Variants in SLC25A13 observed in about 807,000 individuals in gnomAD.
The protein encoded by SLC25A13 is solute carrier family 25 member 13.
In SLC25A13, 70 loss-of-function variants were observed where a neutral mutation model predicts 85.5. The ratio of observed to expected loss-of-function variants is 0.82; its 90% CI spans 0.68 to 1.00. The LOEUF is 1.00. SLC25A13 is among the 50% of genes least tolerant of loss of function. SLC25A13 has a pLI of 0.00. For synonymous variants in SLC25A13, 259 were observed against 288.7 expected (o/e 0.90, Z 1.04); for missense variants, 765 against 819.8 (o/e 0.93, Z 0.82).
chr7:96,263,889 C>T (rs1057059815), intron 3 of SLC25A13, among the ~76,000 whole-genome samples: 2 of 152,088 alleles, frequency 1.3e-5, no homozygotes, highest in African/African-American at 4.8e-5. Context: ...CACTTTATGG[C>T]CACTATATTC....
At position 96,143,169 on chromosome 7, in the gene SLC25A13, A is replaced by G. The variant is rs543436061; in HGVS notation, c.1452+3387T>C. On this transcript the variant is annotated intron_variant, in intron 14 of 17. Coordinates refer to ENST00000265631, the MANE Select transcript of SLC25A13 (RefSeq NM_014251.3). ...GACATGGACAGTTCCACTGCTTCCT[A>G]ACGAAGCGTCTTTTTGGCCTAATTA... Among the ~76,000 whole-genome samples, 3 of 152,324 alleles carry G rather than the reference A, an allele frequency of 2.0e-5. No homozygotes were observed. The East Asian group carries it at 5.8e-4, about 29-fold the overall frequency.
At chr7:96,278,716 G>A (rs1798553320) in intron 2 of SLC25A13, among the ~76,000 whole-genome samples, 1 of 152,128 alleles carries the variant, frequency 6.6e-6, no homozygotes, top group South Asian at 2.1e-4. Context: ...TTGTCTTACA[G>A]TTAACATTTT....
At chr7:96,184,655 A>G in intron 10 of SLC25A13, 1 of 640,562 alleles carries the variant, frequency 1.6e-6, no homozygotes, top group Non-Finnish European at 2.7e-6. Flanking sequence ...TTTTAAATTA[A>G]GGCACATTGC....
At chr7:96,305,087 A>G (rs1162492526) in intron 1 of SLC25A13, among the ~76,000 whole-genome samples, 2 of 152,180 alleles carry the variant, frequency 1.3e-5, no homozygotes, top group Non-Finnish European at 2.9e-5. Context: ...TTTCATTTAT[A>G]TACTGTATCA....
chr7:96,232,047 A>G (rs1369853325), intron 4 of SLC25A13, among the ~76,000 whole-genome samples: 1 of 152,152 alleles, frequency 6.6e-6, no homozygotes, highest in African/African-American at 2.4e-5. Context: ...AAGACCTAAA[A>G]ACAGAATTAT....
intron 3 of SLC25A13, among the ~76,000 whole-genome samples, chr7:96,259,892 A>C (rs1236433534): frequency 6.6e-6 from 1 of 152,200 alleles, no homozygotes; most frequent in East Asian, 1.9e-4. Context: ...GAATGAGTTC[A>C]TGTCCTTTGC....
intron 4 of SLC25A13, among the ~76,000 whole-genome samples, chr7:96,217,780 G>A (rs1041807819): frequency 2.0e-5 from 3 of 151,934 alleles, no homozygotes; most frequent in Non-Finnish European, 2.9e-5. Context: ...GTTTCTTGTT[G>A]GGGTGATGAA....
intron 14 of SLC25A13, among the ~76,000 whole-genome samples, chr7:96,145,076 A>C (rs1414982428): frequency 6.6e-6 from 1 of 152,184 alleles, no homozygotes; most frequent in Non-Finnish European, 1.5e-5. Context: ...CTGGGTAATA[A>C]ATTGGTAAGC....
chr7:96,159,923 TG>T (rs1455498095), intron 13 of SLC25A13, among the ~76,000 whole-genome samples: 1 of 152,210 alleles, frequency 6.6e-6, no homozygotes. Flanking sequence ...TTCAGCTTCA[TG>T]GGGTTTTAAT....
chr7:96,232,989 A>G (rs1208724221), intron 4 of SLC25A13, among the ~76,000 whole-genome samples: 4 of 152,222 alleles, frequency 2.6e-5, no homozygotes, highest in Non-Finnish European at 4.4e-5. Flanking sequence ...TTGCCCTGCA[A>G]TGGTGGAAGT....
Position 96,278,613 on chromosome 7 carries a change from C to T in SLC25A13, c.70-1275G>A, listed in dbSNP as rs867303359. Reference sequence around the variant, plus strand: ...ACATTACAGCTTCATAAGACTGATGCTAGAAATATTTAAATGAGATACTCA... The same window carrying T: ...ACATTACAGCTTCATAAGACTGATGTTAGAAATATTTAAATGAGATACTCA... On this transcript the variant is annotated intron_variant, in intron 2 of 17. Coordinates refer to ENST00000265631, the MANE Select transcript of SLC25A13 (RefSeq NM_014251.3). 3.3e-5 allele frequency among the ~76,000 whole-genome samples: 5 copies of T among 152,220 alleles called. No individual in the cohort carries two copies. In the South Asian group the frequency reaches 1.0e-3, roughly 32 times the overall value.
At chr7:96,151,346 C>G (rs1034546738) in intron 13 of SLC25A13, among the ~76,000 whole-genome samples, 12 of 152,078 alleles carry the variant, frequency 7.9e-5, no homozygotes, top group Non-Finnish European at 1.2e-4. Flanking sequence ...ACCTGTAATC[C>G]CAGCACTTTG....
At chr7:96,146,475 G>A (rs1792794517) in intron 14 of SLC25A13, 81 bp downstream of exon 14, 1 of 1,542,548 alleles carries the variant, frequency 6.5e-7, no homozygotes, top group East Asian at 2.2e-5. Context: ...AAAAAAAAAT[G>A]GATTTCATGT....
intron 11 of SLC25A13, among the ~76,000 whole-genome samples, chr7:96,178,679 G>A (rs1794314939): frequency 6.6e-6 from 1 of 151,846 alleles, no homozygotes; most frequent in South Asian, 2.1e-4. Context: ...CCTTCATTCT[G>A]CAGCTATCAG....
intron 13 of SLC25A13, among the ~76,000 whole-genome samples, chr7:96,150,496 C>T (rs1792990452): frequency 1.3e-5 from 2 of 152,108 alleles, no homozygotes; most frequent in East Asian, 1.9e-4. Context: ...GAACTGTGTT[C>T]TACCAAAAGT....
chr7:96,242,891 C>A (rs571744484), intron 3 of SLC25A13, among the ~76,000 whole-genome samples: 2 of 152,364 alleles, frequency 1.3e-5, no homozygotes, highest in South Asian at 4.1e-4. Flanking sequence ...TTCTCAGGAT[C>A]TCCTGAGGGC....
At chr7:96,193,845 A>G (rs1400485471) in intron 5 of SLC25A13, among the ~76,000 whole-genome samples, 1 of 152,196 alleles carries the variant, frequency 6.6e-6, no homozygotes, top group African/African-American at 2.4e-5. Context: ...TTGATTAAGG[A>G]CTACTGCTCT....
At chr7:96,189,856 G>A (rs1358544788) in intron 7 of SLC25A13, among the ~76,000 whole-genome samples, 182 bp from the exon 8 acceptor site, 3 of 152,130 alleles carry the variant, frequency 2.0e-5, no homozygotes, top group Admixed American at 1.3e-4. Flanking sequence ...TTTGGAAAGC[G>A]TGTGCAGAAT....
At chr7:96,307,574 A>G (rs944345325) in intron 1 of SLC25A13, among the ~76,000 whole-genome samples, 1 of 145,024 alleles carries the variant, frequency 6.9e-6, no homozygotes, top group African/African-American at 2.5e-5. Context: ...AAATTTAATT[A>G]AAAAAAAAAA....
Sources: gnomAD v4.1 joint callset for allele counts (sites outside exome capture counted in the v4.1 genomes callset) on GRCh38, gnomAD v4.1.1 for gene constraint, MANE v1.5 for transcripts, NCBI Gene and HGNC (gene_info 2026-07-23, HGNC 2026-07-21) for gene names.